The following NRG1 variants were observed in gnomAD, a reference collection of about 807,000 sequenced individuals.
NRG1 encodes the protein neuregulin 1.
Under a neutral mutation model 63.8 loss-of-function variants are expected in NRG1, and 18 were observed. The observed-to-expected ratio is 0.28, with a 90% CI of 0.19 to 0.42. The LOEUF (loss-of-function observed/expected upper bound fraction) is 0.42, where lower values mean the gene tolerates loss of function less well. NRG1 is among the 10% of genes least tolerant of loss of function. The probability of loss-of-function intolerance (pLI) is 1.00; values close to 1 mark genes in which losing one functional copy is unlikely to be tolerated. For synonymous variants in NRG1, 302 were observed against 301.3 expected (o/e 1.00, Z -0.02); for missense variants, 762 against 814.7 (o/e 0.94, Z 0.79).
intron 5 of NRG1, among the ~76,000 whole-genome samples, chr8:32,703,137 A>G (rs1046534019): frequency 4.6e-5 from 7 of 152,012 alleles, no homozygotes; most frequent in Admixed American, 2.0e-4. Context: ...AAAGGATGGG[A>G]GGGATGAGGA....
intron 1 of NRG1, among the ~76,000 whole-genome samples, chr8:31,884,285 A>C (rs1237563275): frequency 6.6e-6 from 1 of 152,066 alleles, no homozygotes; most frequent in Non-Finnish European, 1.5e-5. Flanking sequence ...AGTAATACCT[A>C]ATGAAAACTG....
intron 1 of NRG1, among the ~76,000 whole-genome samples, chr8:32,064,084 A>T (rs564913290): frequency 1.3e-5 from 2 of 152,088 alleles, no homozygotes; most frequent in Non-Finnish European, 2.9e-5. Flanking sequence ...ACAACCCAAC[A>T]TTAAAAACCC....
chr8:32,086,729 G>A (rs1400372920), intron 1 of NRG1, among the ~76,000 whole-genome samples: 1 of 152,138 alleles, frequency 6.6e-6, no homozygotes, highest in Non-Finnish European at 1.5e-5. Flanking sequence ...GTGACATATT[G>A]TTTACTGTGT....
chr8:31,948,735 A>G (rs1803002794), intron 1 of NRG1, among the ~76,000 whole-genome samples: 1 of 151,608 alleles, frequency 6.6e-6, no homozygotes, highest in South Asian at 2.1e-4. Flanking sequence ...AATAAAGAAT[A>G]TGACATTCAT....
intron 11 of NRG1, chr8:32,760,652 C>A: frequency 1.3e-5 from 17 of 1,301,956 alleles, no homozygotes; most frequent in Non-Finnish European, 1.6e-5. Context: ...TGCTTTGATG[C>A]GGAAGGTGCA....
At chr8:31,657,742 C>T (rs1301574380) in intron 1 of NRG1, among the ~76,000 whole-genome samples, 2 of 152,124 alleles carry the variant, frequency 1.3e-5, no homozygotes, top group African/African-American at 4.8e-5. Context: ...TCTTTAACAC[C>T]ATCTTGCAAG....
rs373724821 is a variant in NRG1, at chr8:32,531,404, AT to A, written c.38-64418del. Among the ~76,000 whole-genome samples the A allele has an allele frequency of 2.9e-3, 448 of 152,114 alleles. 4 individuals carry two copies. The highest frequency in any genetic ancestry group is 8.3e-3 in the African/African-American group (343 of 41,526). On this transcript the variant is annotated intron_variant, in intron 1 of 10. Coordinates refer to the NRG1 transcript ENST00000519301. ...TTTATATCTTTCTGCTTTCTTTTTC[AT>A]TTTTTCCCTAAAAATTAATTAAATA... is the stretch of plus-strand genomic sequence containing the variant.
chr8:32,385,249 G>A (rs1810859957), intron 1 of NRG1, among the ~76,000 whole-genome samples: 1 of 151,832 alleles, frequency 6.6e-6, no homozygotes, highest in Admixed American at 6.6e-5. Context: ...GATCGTCTCG[G>A]TCTCCTGACT....
At chr8:32,175,764 C>T (rs1840650349) in intron 1 of NRG1, among the ~76,000 whole-genome samples, 1 of 152,098 alleles carries the variant, frequency 6.6e-6, no homozygotes, top group South Asian at 2.1e-4. Context: ...ACCTAGGAAT[C>T]CAACTTACAA....
intron 1 of NRG1, among the ~76,000 whole-genome samples, chr8:32,476,201 A>G (rs77986811): frequency 0.013 from 1,991 of 152,332 alleles, 46 homozygotes; most frequent in African/African-American, 0.045. Context: ...TTAAAGACAA[A>G]TAGGGGAAAA....
chr8:32,769,880 A>G (rs1831670056), downstream of NRG1, among the ~76,000 whole-genome samples: 1 of 152,138 alleles, frequency 6.6e-6, no homozygotes, highest in South Asian at 2.1e-4. Flanking sequence ...TTGATTTTGA[A>G]CTTTAACATG....
At chr8:32,483,857 C>G (rs549568340) in intron 1 of NRG1, among the ~76,000 whole-genome samples, 1 of 152,304 alleles carries the variant, frequency 6.6e-6, no homozygotes, top group East Asian at 1.9e-4. Context: ...GTAATCCCAG[C>G]ACTTTGGGGG....
At chr8:32,200,983 A>C (rs1843445548) in intron 1 of NRG1, among the ~76,000 whole-genome samples, 1 of 152,160 alleles carries the variant, frequency 6.6e-6, no homozygotes, top group African/African-American at 2.4e-5. Flanking sequence ...CTTGTTTCTC[A>C]CTATACCTTA....
At chr8:31,716,835 G>A (rs1008081832) in intron 1 of NRG1, among the ~76,000 whole-genome samples, 3 of 152,200 alleles carry the variant, frequency 2.0e-5, no homozygotes, top group Admixed American at 1.3e-4. Flanking sequence ...ATCATAACTC[G>A]CATTAAATTC....
intron 1 of NRG1, among the ~76,000 whole-genome samples, chr8:32,096,147 T>G (rs1261185908): frequency 6.6e-6 from 1 of 152,168 alleles, no homozygotes; most frequent in Non-Finnish European, 1.5e-5. Context: ...GAGTTTGCAT[T>G]GTATTTGAAC....
chr8:32,172,056 C>T (rs201560821), intron 1 of NRG1, among the ~76,000 whole-genome samples: 5 of 152,138 alleles, frequency 3.3e-5, no homozygotes, highest in Non-Finnish European at 7.4e-5. Context: ...TCCTCAAGTG[C>T]GTCCCTGACC....
At chr8:31,880,674 T>C (rs1336789984) in intron 1 of NRG1, among the ~76,000 whole-genome samples, 1 of 152,180 alleles carries the variant, frequency 6.6e-6, no homozygotes, top group Non-Finnish European at 1.5e-5. Context: ...TAGGCAAAAG[T>C]CATATATAAC....
intron 1 of NRG1, among the ~76,000 whole-genome samples, chr8:32,274,456 G>T (rs1851875772): frequency 3.3e-5 from 5 of 152,186 alleles, no homozygotes. Flanking sequence ...CCCAGGAATT[G>T]ATATGAGCAA....
At chr8:31,852,290 T>C (rs1455528797) in intron 1 of NRG1, among the ~76,000 whole-genome samples, 20 of 150,506 alleles carry the variant, frequency 1.3e-4, no homozygotes, top group African/African-American at 4.4e-4. Context: ...GACTTTTTAA[T>C]GATTGCCATT....
Sources: gnomAD v4.1 joint callset for allele counts (sites outside exome capture counted in the v4.1 genomes callset) on GRCh38, gnomAD v4.1.1 for gene constraint, MANE v1.5 for transcripts, NCBI Gene and HGNC (gene_info 2026-07-23, HGNC 2026-07-21) for gene names.